PCDHGC5: variants seen among roughly 807,000 people sequenced by gnomAD.
The protein encoded by PCDHGC5 is protocadherin gamma subfamily C, 5, also known as protocadherin gamma-C5.
A neutral mutation model predicts 59.0 loss-of-function variants in PCDHGC5; 25 were observed. The observed-to-expected ratio is 0.42, with a 90% CI of 0.31 to 0.59. The LOEUF (loss-of-function observed/expected upper bound fraction) is 0.59. Ranked by LOEUF, PCDHGC5 falls within the 20% of genes least tolerant of loss-of-function variation. The pLI is 0.13. For missense variants in PCDHGC5, 1,067 were observed against 1,206.4 expected (o/e 0.88, Z 1.71); for synonymous variants, 434 against 505.5 (o/e 0.86, Z 1.90).
intron 1 of PCDHGC5, among the ~76,000 whole-genome samples, chr5:141,492,530 C>A (rs1595123138): frequency 1.3e-5 from 2 of 152,246 alleles, no homozygotes; most frequent in South Asian, 2.1e-4. Flanking sequence ...CCCACCTGCG[C>A]CCCGGGCTGG....
intron 1 of PCDHGC5, 148 bp from the exon 2 acceptor site, chr5:141,494,659 T>C (rs749872848): frequency 2.3e-4 from 343 of 1,488,556 alleles, no homozygotes; most frequent in Non-Finnish European, 2.9e-4. Flanking sequence ...ATTTTGTCTT[T>C]GGAGATGAGT....
chr5:141,489,427 C>T lies in PCDHGC5; in HGVS notation c.187C>T (p.Arg63Trp), dbSNP rs370540900. 83 of 1,613,990 alleles carry T rather than the reference C, an allele frequency of 5.1e-5. No individual in the cohort carries two copies. The highest frequency in any genetic ancestry group is 8.3e-5 in the Admixed American group (5 of 59,996). The change falls in exon 1 of 4, where the codon CGG (arginine) becomes TGG (tryptophan). Residue 63 changes from arginine to tryptophan, a missense_variant. Physicochemically the swap from Arg to Trp is moderately radical, Grantham distance 101 (BLOSUM62 -3). Transcript: ENST00000252087. The surrounding 1 kb of genome is among the most constrained non-coding windows in gnomAD (Gnocchi z 4.5). ...GLKMTDLLSR[R>W]LQLGSEENGR... ...AAAGATGACAGATCTGTTGAGCCGGCGGCTGCAATTGGGCTCTGAGGAGAA... is the reference window on the plus strand; with the variant it reads ...AAAGATGACAGATCTGTTGAGCCGGTGGCTGCAATTGGGCTCTGAGGAGAA...
intron 2 of PCDHGC5, among the ~76,000 whole-genome samples, chr5:141,496,104 G>A (rs950960102): frequency 6.8e-6 from 1 of 146,980 alleles, no homozygotes; most frequent in African/African-American, 2.5e-5. Context: ...CCAACACCCC[G>A]CTCTCTTCCT....
chr5:141,510,709 CAGTGAGTAAGGAA>C (rs1452833908), intron 3 of PCDHGC5, among the ~76,000 whole-genome samples: 7 of 152,168 alleles, frequency 4.6e-5, no homozygotes, highest in Admixed American at 4.6e-4. Flanking sequence ...CCCAGGATCA[CAGTGAGTAAGGAA>C]AGGAGCTAGG....
chr5:141,489,312 G>A lies in PCDHGC5; in HGVS notation c.72G>A (p.Trp24Ter), dbSNP rs745541067. The A allele has an allele frequency of 2.5e-6, 4 of 1,594,972 alleles. No homozygotes were observed. The highest frequency in any genetic ancestry group is 2.6e-6 in the Non-Finnish European group (3 of 1,169,822). The change falls in exon 1 of 4, where the codon TGG (tryptophan) becomes TGA (stop). Residue 24 changes from tryptophan to a stop codon, truncating the protein, a stop_gained. Transcript: ENST00000252087. LOFTEE classifies it high-confidence loss of function. This position sits in a 1 kb window ranked among gnomAD's most constrained non-coding sequence, Gnocchi z 4.5. Reference protein sequence around the residue: ...QVLCMLSLCCWGWVSGQLRYS... With the variant: ...QVLCMLSLCC ...TGTGCATGTTGTCCTTGTGCTGCTG[G>A]GGCTGGGTGTCTGGGCAGCTTCGTT...
chr5:141,496,152 C>T (rs771462960), intron 2 of PCDHGC5, among the ~76,000 whole-genome samples: 2 of 152,080 alleles, frequency 1.3e-5, no homozygotes, highest in Non-Finnish European at 1.5e-5. Flanking sequence ...GATCGCAGCT[C>T]TCCACCAGAC....
intron 1 of PCDHGC5, 96 bp from the exon 2 acceptor site, chr5:141,494,711 A>T (rs757105958): frequency 6.3e-7 from 1 of 1,599,616 alleles, no homozygotes; most frequent in Non-Finnish European, 8.5e-7. Context: ...CTCTGTGCCC[A>T]CTCCCCTCCT....
At chr5:141,500,582 T>G (rs534297929) in intron 2 of PCDHGC5, among the ~76,000 whole-genome samples, 29 of 152,314 alleles carry the variant, frequency 1.9e-4, no homozygotes, top group African/African-American at 6.7e-4. Flanking sequence ...ATGTGACACT[T>G]TATTCACATA....
chr5:141,497,793 G>A (rs2099779480), intron 2 of PCDHGC5, among the ~76,000 whole-genome samples: 1 of 152,180 alleles, frequency 6.6e-6, no homozygotes, highest in Admixed American at 6.5e-5. Flanking sequence ...ACCTGCTTCA[G>A]CTTCCCAAAG....
chr5:141,502,634 T>C (rs1306951640), intron 2 of PCDHGC5, among the ~76,000 whole-genome samples: 1 of 152,228 alleles, frequency 6.6e-6, no homozygotes. Flanking sequence ...CTGTGGATGA[T>C]ACTTTGAGAT....
At chr5:141,495,852 TCTCA>T (rs1473070626) in intron 2 of PCDHGC5, among the ~76,000 whole-genome samples, 1 of 152,174 alleles carries the variant, frequency 6.6e-6, no homozygotes, top group Non-Finnish European at 1.5e-5. Flanking sequence ...TTTCTCTGTC[TCTCA>T]CTATTTCTGC....
In PCDHGC5 at chr5:141,490,761, G is replaced by GTA. The variant is rs1380770489; in HGVS notation, c.1523_1524dup (p.Val509MetfsTer48). The GTA allele has an allele frequency of 6.2e-7, 1 of 1,614,048 alleles. No individual in the cohort carries two copies. The highest frequency in any genetic ancestry group is 1.3e-5 in the African/African-American group (1 of 74,920). On this transcript the variant is annotated frameshift_variant, in exon 1 of 4. Coordinates refer to ENST00000252087, the MANE Select transcript of PCDHGC5 (RefSeq NM_018929.3). LOFTEE classifies it high-confidence loss of function. The surrounding 1 kb of genome is among the most constrained non-coding windows in gnomAD (Gnocchi z 5.4). ...AGGGAGCCCCAGCCTCCTCCTTTGT[G>GTA]TATGTCAACCCAGAGGATGGACGGA...
chr5:141,492,880 T>C (rs1204475362), intron 1 of PCDHGC5, among the ~76,000 whole-genome samples: 2 of 152,184 alleles, frequency 1.3e-5, no homozygotes, highest in African/African-American at 4.8e-5. Context: ...CCCCCAGAGA[T>C]ACAGGCTTTT....
rs768509409 is a variant in PCDHGC5 at position 141,489,236 on chromosome 5, G to C, written c.-5G>C. 1 of 1,531,176 alleles carries C rather than the reference G, an allele frequency of 6.5e-7. No homozygotes were observed. 94.8% of individuals were successfully genotyped at this position (1,531,176 alleles called of 1,614,324 possible). On this transcript the variant is annotated 5_prime_UTR_variant, in exon 1 of 4. Transcript: ENST00000252087. The surrounding 1 kb of genome is among the most constrained non-coding windows in gnomAD (Gnocchi z 4.5). The stretch of plus-strand genomic sequence containing the variant: ...ACTTACTCTCCACAAAGGGACTTCT[G>C]GGTCATGGGGCCCAAGACACTCCCA...
intron 2 of PCDHGC5, among the ~76,000 whole-genome samples, chr5:141,504,947 A>G (rs1595930930): frequency 6.6e-6 from 1 of 152,200 alleles, no homozygotes; most frequent in Non-Finnish European, 1.5e-5. Context: ...GGAATGCACT[A>G]TGTTCAATGC....
Position 141,489,427 on chromosome 5 carries a change from C to A in PCDHGC5, c.187C>A (p.Arg63=). ...AAAGATGACAGATCTGTTGAGCCGG[C>A]GGCTGCAATTGGGCTCTGAGGAGAA... ...GLKMTDLLSR[R]LQLGSEENGR... is the part of the protein sequence containing the mutation. The change falls in exon 1 of 4, where the codon CGG becomes AGG. Residue 63 remains arginine, a synonymous_variant. Coordinates refer to ENST00000252087, the MANE Select transcript of PCDHGC5 (RefSeq NM_018929.3). This position sits in a 1 kb window ranked among gnomAD's most constrained non-coding sequence, Gnocchi z 4.5. The A allele has an allele frequency of 6.2e-7, 1 of 1,614,108 alleles. No individual in the cohort carries two copies. The highest frequency in any genetic ancestry group is 1.1e-5 in the South Asian group (1 of 91,086).
intron 3 of PCDHGC5, among the ~76,000 whole-genome samples, chr5:141,510,566 A>G (rs2154594633): frequency 6.6e-6 from 1 of 152,288 alleles, no homozygotes; most frequent in South Asian, 2.1e-4. Flanking sequence ...TACATCTACC[A>G]GGCACTATTT....
intron 2 of PCDHGC5, among the ~76,000 whole-genome samples, chr5:141,499,149 A>G (rs1215155217): frequency 6.6e-6 from 1 of 152,084 alleles, no homozygotes; most frequent in African/African-American, 2.4e-5. Context: ...TCTGATCCCA[A>G]TAGCTGTTGT....
In PCDHGC5 at chr5:141,491,925, G is replaced by A. The variant is rs1019181943; in HGVS notation, c.2460+225G>A. 5 of 1,325,176 alleles carry A rather than the reference G, an allele frequency of 3.8e-6. No homozygotes were observed. In the Admixed American group the frequency reaches 1.5e-4, roughly 39 times the overall value. 82.1% of individuals were successfully genotyped at this position (1,325,176 alleles called of 1,614,324 possible). A position where few individuals can be genotyped will look rare whatever the true frequency, so the allele number is the denominator to read the frequency against. On this transcript the variant is annotated intron_variant, in intron 1 of 3. Coordinates refer to ENST00000252087, the MANE Select transcript of PCDHGC5 (RefSeq NM_018929.3). The surrounding 1 kb of genome is among the most constrained non-coding windows in gnomAD (Gnocchi z 6.9). ...GGGTGGTGGCGACTGTGGGCGAGGG[G>A]AGGTGGGACCGACCCCCACCCCTAC...
Sources: gnomAD v4.1 joint callset for allele counts (sites outside exome capture counted in the v4.1 genomes callset) on GRCh38, gnomAD v4.1.1 for gene constraint, Gnocchi (gnomAD v3.1) non-coding constraint, MANE v1.5 for transcripts, NCBI Gene and HGNC (gene_info 2026-07-23, HGNC 2026-07-21) for gene names.